SAMSN1: variants seen among roughly 807,000 people sequenced by gnomAD.
SAMSN1 encodes the protein SAM domain, SH3 domain and nuclear localization signals 1.
In SAMSN1, 31 loss-of-function variants were observed where a neutral mutation model predicts 42.0. The observed-to-expected ratio is 0.74, with a 90% confidence interval of 0.55 to 1.00. The LOEUF (loss-of-function observed/expected upper bound fraction) is 1.00. Among genes scored for constraint, SAMSN1 ranks in the 50% least tolerant of loss-of-function variants. The pLI is 0.00. For synonymous variants in SAMSN1, 178 were observed against 151.9 expected (o/e 1.17, Z -1.26); for missense variants, 464 against 439.4 (o/e 1.06, Z -0.50).
chr21:14,514,846 A>G (rs1987833275), intron 3 of SAMSN1, among the ~76,000 whole-genome samples: 1 of 152,192 alleles, frequency 6.6e-6, no homozygotes, highest in South Asian at 2.1e-4. Context: ...CAAATAAGCA[A>G]TTGATTGTAT....
rs970540914 is a variant in SAMSN1 at position 14,638,896 on chromosome 21, G to A, written c.156+4106C>T. 3.9e-5 allele frequency among the ~76,000 whole-genome samples: 6 copies of A among 152,154 alleles called. No homozygotes were observed. In the East Asian group the frequency reaches 7.7e-4, roughly 19 times the overall value. On this transcript the variant is annotated intron_variant, in intron 2 of 15. Transcript: ENST00000647101. Reference sequence around the variant, plus strand: ...AAATCCAAAGCTGACAATTTTATCCGCTGCATCATTGGCTCTCCATTATTA... The same window carrying A: ...AAATCCAAAGCTGACAATTTTATCCACTGCATCATTGGCTCTCCATTATTA...
At chr21:14,647,840 T>C in intron 1 of SAMSN1, among the ~76,000 whole-genome samples, 1 of 148,852 alleles carries the variant, frequency 6.7e-6, no homozygotes, top group African/African-American at 2.5e-5. Flanking sequence ...TGATTTTGTA[T>C]CCTGAGACTT....
At position 14,523,054 on chromosome 21, in the gene SAMSN1, A is replaced by AT. The variant is rs201007957; in HGVS notation, c.58-1834dup. On this transcript the variant is annotated intron_variant, in intron 1 of 7. Transcript: ENST00000400566. ...AGACAGTGACCCTGGTCAGGAACTG[A>AT]TTTTTTTTTCTCCATCAATATTATT... is the stretch of plus-strand genomic sequence containing the variant. Among the ~76,000 whole-genome samples the AT allele has an allele frequency of 8.0e-3, 1,219 of 151,784 alleles. 13 individuals carry two copies. Among genetic ancestry groups the AT allele is most frequent in the African/African-American group, 0.027 (1,123 of 41,390 alleles).
At chr21:14,656,286 T>A (rs1983915651) in intron 1 of SAMSN1, among the ~76,000 whole-genome samples, 1 of 151,782 alleles carries the variant, frequency 6.6e-6, no homozygotes, top group East Asian at 1.9e-4. Context: ...TTCTTCTGAA[T>A]AAGACTCACT....
At chr21:14,632,716 A>G (rs909109707) in intron 2 of SAMSN1, among the ~76,000 whole-genome samples, 1 of 152,148 alleles carries the variant, frequency 6.6e-6, no homozygotes, top group Non-Finnish European at 1.5e-5. Flanking sequence ...ATGGTCACTC[A>G]CAGGATTGTA....
chr21:14,658,957 T>C, upstream of SAMSN1: 2 of 580,030 alleles, frequency 3.4e-6, no homozygotes, highest in Non-Finnish European at 6.2e-6. Flanking sequence ...GAACAAACAA[T>C]TTCCTAAATT....
At chr21:14,647,645 G>A (rs998664903) in intron 1 of SAMSN1, among the ~76,000 whole-genome samples, 2 of 137,050 alleles carry the variant, frequency 1.5e-5, no homozygotes, top group Non-Finnish European at 3.2e-5. Flanking sequence ...ATTTGTTTGT[G>A]TCCTCTTTTA....
chr21:14,487,311 A>T (rs9636583), intron 7 of SAMSN1, among the ~76,000 whole-genome samples: 16,963 of 151,906 alleles, frequency 0.11, 1,191 homozygotes, highest in East Asian at 0.35. Flanking sequence ...TAATTAATTT[A>T]TATCTAGGAA....
intron 1 of SAMSN1, among the ~76,000 whole-genome samples, chr21:14,644,989 G>C (rs778509540): frequency 2.6e-5 from 4 of 152,172 alleles, no homozygotes; most frequent in Admixed American, 6.5e-5. Context: ...TGCCAGCTCA[G>C]CTGTAATACA....
intron 7 of SAMSN1, among the ~76,000 whole-genome samples, chr21:14,590,602 A>G (rs1428556162): frequency 1.3e-5 from 2 of 152,036 alleles, no homozygotes; most frequent in Non-Finnish European, 2.9e-5. Context: ...ATAAACAACT[A>G]CAAAATGTAT....
chr21:14,567,453 T>C (rs561224968), intron 2 of SAMSN1, among the ~76,000 whole-genome samples: 4 of 152,332 alleles, frequency 2.6e-5, no homozygotes, highest in African/African-American at 4.8e-5. Context: ...ACTTGTGGTT[T>C]GTTAATACCC....
At chr21:14,644,552 C>G (rs999701294) in intron 1 of SAMSN1, among the ~76,000 whole-genome samples, 2 of 152,084 alleles carry the variant, frequency 1.3e-5, no homozygotes, top group African/African-American at 4.8e-5. Flanking sequence ...CTTGGGAAAG[C>G]CTCTGAGACT....
At chr21:14,523,284 T>G (rs949369606) in intron 1 of SAMSN1, 1 of 152,296 alleles carries the variant, frequency 6.6e-6, no homozygotes, top group East Asian at 1.9e-4. Flanking sequence ...TGGCAAGGGG[T>G]TAGCTTGATA....
intron 7 of SAMSN1, among the ~76,000 whole-genome samples, chr21:14,494,258 C>T (rs1376605318): frequency 6.6e-6 from 1 of 152,164 alleles, no homozygotes; most frequent in Non-Finnish European, 1.5e-5. Flanking sequence ...GACACATGCA[C>T]ACATATGTTT....
chr21:14,585,069 C>T (rs78904582), upstream of SAMSN1, among the ~76,000 whole-genome samples: 5 of 152,236 alleles, frequency 3.3e-5, no homozygotes, highest in African/African-American at 1.2e-4. Flanking sequence ...ATATTGAAAT[C>T]ATTTTAATCT....
upstream of SAMSN1, among the ~76,000 whole-genome samples, chr21:14,547,530 A>G (rs17003531): frequency 0.012 from 1,850 of 152,326 alleles, 26 homozygotes; most frequent in African/African-American, 0.042. Context: ...CTCTGGTTCC[A>G]TTTGAGCAAC....
At chr21:14,586,128 T>C (rs1981907467), upstream of SAMSN1, among the ~76,000 whole-genome samples, 1 of 151,390 alleles carries the variant, frequency 6.6e-6, no homozygotes, top group South Asian at 2.1e-4. Context: ...CTGGGTGTGG[T>C]GGCATGCACC....
chr21:14,491,778 T>C (rs1483646677), intron 7 of SAMSN1, among the ~76,000 whole-genome samples: 2 of 152,216 alleles, frequency 1.3e-5, no homozygotes, highest in Admixed American at 1.3e-4. Context: ...TATGTCAATT[T>C]AATTTTCAGC....
chr21:14,630,690 A>C (rs918733425), intron 2 of SAMSN1, among the ~76,000 whole-genome samples: 2 of 152,200 alleles, frequency 1.3e-5, no homozygotes, highest in African/African-American at 4.8e-5. Flanking sequence ...TGTTTTACAT[A>C]TTGGCTTGTT....
Sources: allele counts gnomAD v4.1 joint callset (sites outside exome capture counted in the v4.1 genomes callset), GRCh38; gene constraint gnomAD v4.1.1; transcripts MANE v1.5; gene names NCBI Gene and HGNC (gene_info 2026-07-23, HGNC 2026-07-21).